Variants in EARS2 observed in about 807,000 individuals in gnomAD.
EARS2 encodes nondiscriminating glutamyl-tRNA synthetase EARS2, mitochondrial.
Under a neutral mutation model 54.1 loss-of-function variants are expected in EARS2, and 50 were observed. The observed-to-expected ratio is 0.92, with a 90% confidence interval of 0.74 to 1.17. EARS2 has a LOEUF of 1.17. Among genes scored for constraint, EARS2 ranks in the 50% most tolerant of loss-of-function variants. The probability of loss-of-function intolerance (pLI) is 0.00; values close to 1 mark genes in which losing one functional copy is unlikely to be tolerated. For missense variants in EARS2, 673 were observed against 675.0 expected, an observed-to-expected ratio of 1.00 and a Z score of 0.03; for synonymous variants, 298 against 281.0, an observed-to-expected ratio of 1.06 and a Z score of -0.61.
At chr16:23,540,234 A>G (rs1965490653) in intron 3 of EARS2, among the ~76,000 whole-genome samples, 1 of 152,132 alleles carries the variant, frequency 6.6e-6, no homozygotes, top group Non-Finnish European at 1.5e-5. Flanking sequence ...AGGATGTAGG[A>G]TTGCTTGAAC....
intron 3 of EARS2, among the ~76,000 whole-genome samples, chr16:23,543,913 T>C (rs1395318976): frequency 2.0e-5 from 3 of 152,196 alleles, no homozygotes; most frequent in Non-Finnish European, 2.9e-5. Context: ...CCAGCCTATG[T>C]GTATAAGGCG....
At position 23,526,560 on chromosome 16, in the gene EARS2, G is replaced by C. The variant is rs78294496; in HGVS notation, c.1353-1181C>G. 6.5e-4 allele frequency among the ~76,000 whole-genome samples: 99 copies of C among 152,294 alleles called. No individual in the cohort carries two copies. The East Asian group carries it at 8.1e-3, about 12-fold the overall frequency. On this transcript the variant is annotated intron_variant, in intron 7 of 8. Transcript: ENST00000449606. ...ACAACAAAAAAGAAACTTAGGAATA[G>C]ATTTGACATAGAATGGATAATTTCT...
At chr16:23,527,998 TA>T (rs997880073) in intron 7 of EARS2, among the ~76,000 whole-genome samples, 2 of 152,194 alleles carry the variant, frequency 1.3e-5, no homozygotes, top group African/African-American at 4.8e-5. Flanking sequence ...GCCGAGCCCT[TA>T]TGCACAGATG....
chr16:23,524,548 GC>G, intron 8 of EARS2, 94 bp from the exon 9 acceptor site: 3 of 1,050,640 alleles, frequency 2.9e-6, no homozygotes, highest in Admixed American at 1.8e-5. Flanking sequence ...TCCCAGGCCA[GC>G]CCCCACACTG....
rs1323041804 is a variant in EARS2 at position 23,544,611 on chromosome 16, C to T, written c.388G>A (p.Ala130Thr). 1.2e-6 allele frequency: 2 copies of T among 1,613,562 alleles called. No homozygotes were observed. The highest frequency in any genetic ancestry group is 2.2e-5 in the East Asian group (1 of 44,874). Residue 130 changes from alanine to threonine, a missense_variant, in exon 3 of 9, where the codon GCG (alanine) becomes ACG (threonine). Physicochemically the swap from Ala to Thr is moderately conservative, Grantham distance 58 (BLOSUM62 0). Coordinates refer to ENST00000449606, the MANE Select transcript of EARS2 (RefSeq NM_001083614.2). ...TAAGCAGCTCCGGTCTTCAGCAGCG[C>T]TTCTGTGGCCTGGGCATACAGCTCC... Reference protein sequence around the residue: ...RLELYAQATEALLKTGAAYPC... With the variant: ...RLELYAQATETLLKTGAAYPC...
At chr16:23,544,852 T>A in intron 2 of EARS2, 149 bp from the exon 3 acceptor site, 1 of 716,284 alleles carries the variant, frequency 1.4e-6, no homozygotes, top group South Asian at 2.2e-5. Flanking sequence ...GCCGCCTTTT[T>A]TTTTGAGGCA....
rs922541533 is a variant in EARS2, at chr16:23,522,063, G to A, written c.*2308C>T. On this transcript the variant is annotated 3_prime_UTR_variant, in exon 9 of 9. Coordinates refer to ENST00000449606, the MANE Select transcript of EARS2 (RefSeq NM_001083614.2). ...TGAGATGATGGACTAAGGCATTTAC[G>A]AGCATTATCTGACACCTGGGAGAGG... 3.2e-5 allele frequency: 10 copies of A among 314,846 alleles called. No individual in the cohort carries two copies. The highest frequency in any genetic ancestry group is 7.5e-5 in the East Asian group (1 of 13,332). 19.5% of individuals were successfully genotyped at this position (314,846 alleles called of 1,614,324 possible).
In EARS2 at chr16:23,552,258, G is replaced by A. The variant is rs749266497; in HGVS notation, c.186C>T (p.Ile62=). ...AGCTCCCCTGGTACTTCTTAGCAAA[G>A]ATGTAGTTGTACAAGGCAGTGCGGA... The part of the protein sequence containing the change: ...GGLRTALYNY[I]FAKKYQGSFI... Residue 62 remains isoleucine, a synonymous_variant, in exon 2 of 9, where the codon ATC becomes ATT. Coordinates refer to ENST00000449606, the MANE Select transcript of EARS2 (RefSeq NM_001083614.2). The A allele has an allele frequency of 6.8e-6, 11 of 1,614,200 alleles. No individual in the cohort carries two copies. The highest frequency in any genetic ancestry group is 1.7e-5 in the Admixed American group (1 of 60,018).
In EARS2 at chr16:23,544,571, G is replaced by A. The variant is rs564418229; in HGVS notation, c.428C>T (p.Ser143Leu). 5.6e-6 allele frequency: 9 copies of A among 1,614,054 alleles called. No homozygotes were observed. The highest frequency in any genetic ancestry group is 7.6e-6 in the Non-Finnish European group (9 of 1,180,030). The change falls in exon 3 of 9, where the codon TCA becomes TTA. Residue 143 changes from serine to leucine, a missense_variant. Coordinates refer to ENST00000449606, the MANE Select transcript of EARS2 (RefSeq NM_001083614.2). ...KTGAAYPCFC[S>L]PQRLELLKKE... is the part of the protein sequence containing the mutation. ...CTTCAGGAGCTCCAGCCGCTGGGGTGAGCAGAAACAGGGGTAAGCAGCTCC... is the reference window on the plus strand; with the variant it reads ...CTTCAGGAGCTCCAGCCGCTGGGGTAAGCAGAAACAGGGGTAAGCAGCTCC...
intron 3 of EARS2, among the ~76,000 whole-genome samples, chr16:23,540,891 T>TGA (rs1247159772): frequency 6.6e-6 from 1 of 152,182 alleles, no homozygotes; most frequent in Non-Finnish European, 1.5e-5. Context: ...CTCAGGAGGC[T>TGA]GAGACAGGAG....
At chr16:23,546,397 T>C (rs7196534) in intron 2 of EARS2, 382,555 of 455,816 alleles carry the variant, frequency 0.84, 161,030 homozygotes, top group Middle Eastern at 0.89. Context: ...AGCTCAGAGA[T>C]CTTGGGCAAG....
chr16:23,535,418 C>T (rs1965401991), intron 3 of EARS2, 58 bp from the exon 4 acceptor site: 2 of 1,497,086 alleles, frequency 1.3e-6, no homozygotes, highest in Non-Finnish European at 1.8e-6. Context: ...GGACAGGAGT[C>T]CTACCTCTGT....
intron 2 of EARS2, among the ~76,000 whole-genome samples, chr16:23,550,435 C>CTTTTTTTT (rs34422725): frequency 9.9e-6 from 1 of 100,614 alleles, no homozygotes. Flanking sequence ...AGCACATGGT[C>CTTTTTTTT]TTTTTTTTTT....
chr16:23,536,380 G>C (rs1030919671), intron 3 of EARS2, among the ~76,000 whole-genome samples: 13 of 152,126 alleles, frequency 8.5e-5, no homozygotes, highest in Admixed American at 7.2e-4. Context: ...CAAGGTAGAA[G>C]GACAGCCTGA....
chr16:23,551,809 T>G (rs1240775610), intron 2 of EARS2, among the ~76,000 whole-genome samples: 2 of 152,046 alleles, frequency 1.3e-5, no homozygotes, highest in Non-Finnish European at 2.9e-5. Context: ...TAGTTCCAGC[T>G]ACTTGGAGGC....
chr16:23,523,092 G>A lies in EARS2; in HGVS notation c.*1279C>T, dbSNP rs555963010. On this transcript the variant is annotated 3_prime_UTR_variant, in exon 9 of 9. Transcript: ENST00000449606. ...ACTCTCATTTCTTCAATAGTGTAGT[G>A]GTTACACAAGTCAGGCCTATTCAAT... 9 of 152,322 alleles carry A rather than the reference G, an allele frequency of 5.9e-5. No individual in the cohort carries two copies. The South Asian group carries it at 1.0e-3, about 18-fold the overall frequency. 9.4% of individuals were successfully genotyped at this position (152,322 alleles called of 1,614,324 possible).
At chr16:23,548,918 A>G (rs117446295) in intron 2 of EARS2, among the ~76,000 whole-genome samples, 1 of 152,268 alleles carries the variant, frequency 6.6e-6, no homozygotes, top group African/African-American at 2.4e-5. Context: ...TGATAGACTC[A>G]GCCTCACAGA....
At chr16:23,541,000 A>G (rs1965502901) in intron 3 of EARS2, among the ~76,000 whole-genome samples, 1 of 151,386 alleles carries the variant, frequency 6.6e-6, no homozygotes, top group Admixed American at 6.6e-5. Context: ...CCAAAAAATA[A>G]ATAAATAAAT....
chr16:23,526,539 C>G (rs889585274), intron 7 of EARS2, among the ~76,000 whole-genome samples: 2 of 151,976 alleles, frequency 1.3e-5, no homozygotes, highest in African/African-American at 2.4e-5. Flanking sequence ...GCAGGCACAA[C>G]AAAAAAGAAA....
Sources: gnomAD v4.1 joint callset for allele counts (sites outside exome capture counted in the v4.1 genomes callset) on GRCh38, gnomAD v4.1.1 for gene constraint, MANE v1.5 for transcripts, NCBI Gene and HGNC (gene_info 2026-07-23, HGNC 2026-07-21) for gene names.